HMG20A: variants seen among roughly 807,000 people sequenced by gnomAD.
HMG20A encodes the protein high mobility group protein 20A.
Under a neutral mutation model 43.9 loss-of-function variants are expected in HMG20A, and 17 were observed. The observed-to-expected ratio is 0.39, with a 90% CI of 0.27 to 0.58. The LOEUF is 0.58. HMG20A is among the 20% of genes least tolerant of loss of function. HMG20A has a pLI of 0.59. For missense variants in HMG20A, 341 were observed against 438.2 expected (o/e 0.78, Z 1.98); for synonymous variants, 132 against 147.5 (o/e 0.89, Z 0.76).
intron 1 of HMG20A, among the ~76,000 whole-genome samples, chr15:77,423,399 T>G (rs1468362701): frequency 6.6e-6 from 1 of 152,182 alleles, no homozygotes; most frequent in East Asian, 1.9e-4. Context: ...TAATGCCCTT[T>G]GTGCAGTTTT....
the HMG20A span, among the ~76,000 whole-genome samples, chr15:77,518,206 G>A: frequency 6.6e-6 from 1 of 152,160 alleles, no homozygotes; most frequent in Non-Finnish European, 1.5e-5. Context: ...AAGGAAGAGA[G>A]TTCAAATAGT....
intron 1 of HMG20A, among the ~76,000 whole-genome samples, chr15:77,429,066 G>T (rs1277749183): frequency 2.0e-5 from 3 of 152,018 alleles, no homozygotes; most frequent in African/African-American, 7.3e-5. Context: ...ATGTTGGCCG[G>T]GCACAGTGGT....
chr15:77,471,041 A>G lies in HMG20A; in HGVS notation c.582A>G (p.Gln194=), dbSNP rs1372850071. The change falls in exon 5 of 10, where the codon CAA becomes CAG. Residue 194 remains glutamine, a splice_region_variant and synonymous_variant. Transcript: ENST00000336216. The stretch of plus-strand genomic sequence containing the variant: ...GTCAGAAAGGCAAATCTCATAGGCA[A>G]GGTATCAAAACCAGAACCAAATGTA... ...QDRQKGKSHR[Q]DAARQATHDH... is the part of the protein sequence containing the mutation. 7 of 1,609,080 alleles carry G rather than the reference A, an allele frequency of 4.4e-6. No homozygotes were observed. Among genetic ancestry groups the G allele is most frequent in the African/African-American group, 1.3e-5 (1 of 74,530 alleles).
the HMG20A span, among the ~76,000 whole-genome samples, chr15:77,517,063 C>T: frequency 6.6e-6 from 1 of 152,200 alleles, no homozygotes; most frequent in African/African-American, 2.4e-5. Context: ...TTCCCCTCCA[C>T]CAATGCTCAC....
the HMG20A span, among the ~76,000 whole-genome samples, chr15:77,514,901 C>A: frequency 6.6e-6 from 1 of 152,154 alleles, no homozygotes; most frequent in African/African-American, 2.4e-5. Context: ...TGCAGAGCAG[C>A]AGGCAGCTTT....
At chr15:77,423,186 G>T (rs2073389128) in intron 1 of HMG20A, among the ~76,000 whole-genome samples, 1 of 152,114 alleles carries the variant, frequency 6.6e-6, no homozygotes, top group African/African-American at 2.4e-5. Flanking sequence ...AGAACTATCT[G>T]TTTAGAAGAA....
the HMG20A span, among the ~76,000 whole-genome samples, chr15:77,519,307 C>T: frequency 6.6e-6 from 1 of 152,236 alleles, no homozygotes; most frequent in Non-Finnish European, 1.5e-5. Context: ...GGAAGAAAGT[C>T]CTGGAGCTCC....
the HMG20A span, among the ~76,000 whole-genome samples, chr15:77,496,974 G>T: frequency 1.5e-4 from 23 of 152,236 alleles, no homozygotes; most frequent in African/African-American, 5.5e-4. Flanking sequence ...CCGGGACCCA[G>T]TGCTGGCAGG....
intron 2 of HMG20A, among the ~76,000 whole-genome samples, chr15:77,461,599 A>G (rs2072705542): frequency 6.6e-6 from 1 of 152,068 alleles, no homozygotes; most frequent in Non-Finnish European, 1.5e-5. Flanking sequence ...CCTTTTTTCC[A>G]GTCTTCATCC....
At chr15:77,460,407 A>G (rs1390505849) in intron 2 of HMG20A, among the ~76,000 whole-genome samples, 1 of 152,202 alleles carries the variant, frequency 6.6e-6, no homozygotes, top group African/African-American at 2.4e-5. Flanking sequence ...ATTAGCTTAG[A>G]TGGGGAAAAC....
chr15:77,442,765 A>G (rs1395966696), intron 1 of HMG20A, among the ~76,000 whole-genome samples: 1 of 152,160 alleles, frequency 6.6e-6, no homozygotes, highest in East Asian at 1.9e-4. Context: ...AATCCTTCTA[A>G]TGGTGTTTTT....
chr15:77,461,484 C>T (rs997521894), intron 2 of HMG20A, among the ~76,000 whole-genome samples: 1 of 152,158 alleles, frequency 6.6e-6, no homozygotes, highest in Non-Finnish European at 1.5e-5. Context: ...TGCTGAAAAT[C>T]TGCCCCTGAG....
chr15:77,480,400 C>T (rs1405985858), intron 9 of HMG20A, among the ~76,000 whole-genome samples: 1 of 151,482 alleles, frequency 6.6e-6, no homozygotes, highest in East Asian at 1.9e-4. Flanking sequence ...TGCCTGAGCC[C>T]AGGAGTTCAA....
At chr15:77,422,680 A>G (rs2073383116) in intron 1 of HMG20A, among the ~76,000 whole-genome samples, 1 of 152,224 alleles carries the variant, frequency 6.6e-6, no homozygotes, top group Admixed American at 6.5e-5. Context: ...TTTAAACCAA[A>G]TATTACAGTA....
the HMG20A span, among the ~76,000 whole-genome samples, chr15:77,512,101 A>ACATG: frequency 6.6e-6 from 1 of 152,254 alleles, no homozygotes; most frequent in African/African-American, 2.4e-5. Flanking sequence ...AAATTCTGAC[A>ACATG]CATGCTACAG....
intron 2 of HMG20A, 33 bp downstream of exon 2, chr15:77,458,529 C>T (rs202159225): frequency 5.0e-6 from 7 of 1,403,416 alleles, no homozygotes; most frequent in South Asian, 1.2e-5. Context: ...TGGACTTCTC[C>T]ATAGGCCTCA....
intron 2 of HMG20A, among the ~76,000 whole-genome samples, chr15:77,460,978 C>T (rs1041756221): frequency 2.6e-5 from 4 of 151,612 alleles, no homozygotes; most frequent in Admixed American, 6.6e-5. Context: ...AGAGCAAGCT[C>T]CATCTCAAAA....
At chr15:77,478,038 A>G (rs1199582392) in intron 7 of HMG20A, 1 of 546,926 alleles carries the variant, frequency 1.8e-6, no homozygotes, top group Non-Finnish European at 3.3e-6. Flanking sequence ...CTAACAAACA[A>G]AAAAATACTG....
At chr15:77,463,921 T>C (rs1026253106) in intron 2 of HMG20A, among the ~76,000 whole-genome samples, 1 of 152,228 alleles carries the variant, frequency 6.6e-6, no homozygotes. Context: ...AAAGGTAGCA[T>C]GTAAAAGTCA....
Sources: gnomAD v4.1 joint callset for allele counts (sites outside exome capture counted in the v4.1 genomes callset) on GRCh38, gnomAD v4.1.1 for gene constraint, MANE v1.5 for transcripts, NCBI Gene and HGNC (gene_info 2026-07-23, HGNC 2026-07-21) for gene names.